The following INPP4B variants were observed in gnomAD, a reference collection of about 807,000 sequenced individuals.
The protein encoded by INPP4B is inositol polyphosphate-4-phosphatase type II B.
Under a neutral mutation model 122.5 loss-of-function variants are expected in INPP4B, and 55 were observed. That is an observed-to-expected ratio of 0.45 (90% CI 0.36 to 0.56). INPP4B has a LOEUF of 0.56. Ranked by LOEUF, INPP4B falls within the 20% of genes least tolerant of loss-of-function variation. The pLI is 0.00. For missense variants in INPP4B, 1,000 were observed against 1,097.7 expected (o/e 0.91, Z 1.26); for synonymous variants, 403 against 388.7 (o/e 1.04, Z -0.43).
intron 1 of INPP4B, among the ~76,000 whole-genome samples, chr4:142,837,158 A>AT (rs1782894661): frequency 2.0e-5 from 3 of 149,138 alleles, no homozygotes; most frequent in African/African-American, 7.7e-5. Context: ...CACAGTCTCA[A>AT]AAATAATAAT....
At chr4:142,392,258 AAC>A (rs372125957) in intron 7 of INPP4B, among the ~76,000 whole-genome samples, 126 of 152,316 alleles carry the variant, frequency 8.3e-4, no homozygotes, top group African/African-American at 3.0e-3. Flanking sequence ...CCTTGATGTG[AAC>A]AGTTTTTCCC....
chr4:142,762,255 C>A (rs1771451641), intron 1 of INPP4B, among the ~76,000 whole-genome samples: 1 of 152,124 alleles, frequency 6.6e-6, no homozygotes, highest in African/African-American at 2.4e-5. Context: ...CTGGTTAATA[C>A]TAGAGTGGAG....
chr4:142,791,445 G>T (rs1776546839), intron 1 of INPP4B, among the ~76,000 whole-genome samples: 1 of 152,084 alleles, frequency 6.6e-6, no homozygotes, highest in South Asian at 2.1e-4. Flanking sequence ...CAAACATAAG[G>T]TAAATTCTAT....
At chr4:142,163,817 TG>T (rs1166335202) in intron 16 of INPP4B, among the ~76,000 whole-genome samples, 5 of 151,772 alleles carry the variant, frequency 3.3e-5, no homozygotes, top group African/African-American at 1.2e-4. Flanking sequence ...GTTGAAGTCA[TG>T]GAAAGGATGT....
intron 2 of INPP4B, among the ~76,000 whole-genome samples, chr4:142,482,520 C>A (rs909871589): frequency 6.6e-6 from 1 of 152,138 alleles, no homozygotes; most frequent in Non-Finnish European, 1.5e-5. Flanking sequence ...TGATCACCAT[C>A]CCTCCTTAGA....
At chr4:142,321,237 T>C (rs1172811925) in intron 7 of INPP4B, among the ~76,000 whole-genome samples, 1 of 152,250 alleles carries the variant, frequency 6.6e-6, no homozygotes, top group African/African-American at 2.4e-5. Context: ...GAGCACTTTT[T>C]CATAGGCTTG....
At chr4:142,677,762 T>G (rs1443441346) in intron 2 of INPP4B, among the ~76,000 whole-genome samples, 10 of 152,064 alleles carry the variant, frequency 6.6e-5, no homozygotes, top group African/African-American at 2.4e-4. Flanking sequence ...AAACACTACA[T>G]GTCCTCACTC....
chr4:142,168,033 T>G (rs1360070307), intron 16 of INPP4B, among the ~76,000 whole-genome samples: 1 of 151,496 alleles, frequency 6.6e-6, no homozygotes, highest in Non-Finnish European at 1.5e-5. Context: ...TAAAGCCTAA[T>G]AAGAAGTCTG....
At chr4:142,120,643 C>T (rs1796170775) in intron 21 of INPP4B, among the ~76,000 whole-genome samples, 1 of 152,054 alleles carries the variant, frequency 6.6e-6, no homozygotes, top group African/African-American at 2.4e-5. Flanking sequence ...CTATTTCCTA[C>T]TCCAATCCAA....
intron 8 of INPP4B, among the ~76,000 whole-genome samples, chr4:142,307,159 A>G (rs1763702435): frequency 1.3e-5 from 2 of 152,162 alleles, no homozygotes; most frequent in Admixed American, 1.3e-4. Flanking sequence ...CTGTATCAGC[A>G]AAGCATGCAG....
intron 2 of INPP4B, among the ~76,000 whole-genome samples, chr4:142,500,022 G>C (rs1425533): frequency 6.6e-6 from 1 of 151,934 alleles, no homozygotes; most frequent in African/African-American, 2.4e-5. Context: ...GATTCTAAAA[G>C]TACACCAAAA....
intron 11 of INPP4B, among the ~76,000 whole-genome samples, chr4:142,251,033 C>T (rs1316008239): frequency 6.6e-6 from 1 of 152,158 alleles, no homozygotes; most frequent in Non-Finnish European, 1.5e-5. Context: ...GCTTCCAACA[C>T]TTATGCCTTA....
At chr4:142,405,092 A>G (rs538461183) in intron 6 of INPP4B, 114 bp downstream of exon 6, 115 of 616,994 alleles carry the variant, frequency 1.9e-4, no homozygotes, top group South Asian at 5.7e-4. Context: ...TCAGCTGTTC[A>G]TTCAAATCCA....
chr4:142,715,732 C>A (rs895155799), intron 2 of INPP4B, among the ~76,000 whole-genome samples: 1 of 152,142 alleles, frequency 6.6e-6, no homozygotes, highest in Non-Finnish European at 1.5e-5. Context: ...AACAAATTAT[C>A]CCAACATTTA....
chr4:142,091,220 T>C (rs1163254738), intron 23 of INPP4B, among the ~76,000 whole-genome samples: 1 of 152,292 alleles, frequency 6.6e-6, no homozygotes, highest in East Asian at 1.9e-4. Context: ...TTCTTTTTTG[T>C]TTGAAACTTT....
At chr4:142,446,320 G>T (rs142095994) in intron 3 of INPP4B, among the ~76,000 whole-genome samples, 31 of 151,886 alleles carry the variant, frequency 2.0e-4, no homozygotes, top group Non-Finnish European at 4.0e-4. Flanking sequence ...AACTTCACTA[G>T]TATCAGGGAA....
chr4:142,275,601 C>T (rs1748004496), intron 9 of INPP4B, among the ~76,000 whole-genome samples: 1 of 151,752 alleles, frequency 6.6e-6, no homozygotes, highest in Admixed American at 6.6e-5. Flanking sequence ...TACAGCAGTG[C>T]AGGATTTACA....
chr4:142,407,305 T>G (rs1398282451), intron 5 of INPP4B, among the ~76,000 whole-genome samples: 1 of 152,220 alleles, frequency 6.6e-6, no homozygotes, highest in Non-Finnish European at 1.5e-5. Context: ...TACAGGCATC[T>G]TGCCCACTTT....
intron 7 of INPP4B, among the ~76,000 whole-genome samples, chr4:142,378,243 A>G (rs1395431691): frequency 3.3e-5 from 5 of 152,064 alleles, no homozygotes; most frequent in Non-Finnish European, 7.4e-5. Context: ...TCTAAATTTT[A>G]TGTTCTTTCA....
Sources: gnomAD v4.1 joint callset for allele counts (sites outside exome capture counted in the v4.1 genomes callset) on GRCh38, gnomAD v4.1.1 for gene constraint, MANE v1.5 for transcripts, NCBI Gene and HGNC (gene_info 2026-07-23, HGNC 2026-07-21) for gene names.